Variants in FARS2 observed in about 807,000 individuals in gnomAD.
FARS2 encodes phenylalanyl-tRNA synthetase 2, mitochondrial.
A neutral mutation model predicts 46.4 loss-of-function variants in FARS2; 40 were observed. That is an observed-to-expected ratio of 0.86 (90% CI 0.67 to 1.12). The LOEUF is 1.12. Ranked by LOEUF, FARS2 falls within the 50% of genes most tolerant of loss-of-function variation. The probability of loss-of-function intolerance (pLI) is 0.00; values close to 1 mark genes in which losing one functional copy is unlikely to be tolerated. For missense variants in FARS2, 513 were observed against 567.9 expected (o/e 0.90, Z 0.98); for synonymous variants, 234 against 214.9 (o/e 1.09, Z -0.78).
At chr6:5,359,863 C>T (rs1186842629) in intron 1 of FARS2, among the ~76,000 whole-genome samples, 1 of 152,254 alleles carries the variant, frequency 6.6e-6, no homozygotes, top group Non-Finnish European at 1.5e-5. Context: ...GGAGCTGCAG[C>T]TTCCTGCCTT....
chr6:5,637,621 T>A (rs981737887), intron 6 of FARS2, among the ~76,000 whole-genome samples: 3 of 152,228 alleles, frequency 2.0e-5, no homozygotes, highest in Non-Finnish European at 4.4e-5. Context: ...CTTGAAGACT[T>A]ATGTATGAAT....
At chr6:5,302,594 G>A (rs941437385) in intron 1 of FARS2, among the ~76,000 whole-genome samples, 5 of 152,180 alleles carry the variant, frequency 3.3e-5, no homozygotes, top group African/African-American at 9.7e-5. Context: ...TTTTACAGAT[G>A]GGGAGATGAG....
At chr6:5,254,072 C>T in the FARS2 span, among the ~76,000 whole-genome samples, 4 of 152,250 alleles carry the variant, frequency 2.6e-5, no homozygotes, top group East Asian at 5.8e-4. Flanking sequence ...TCTTGAATCC[C>T]GGCAAAACTG....
chr6:5,592,044 T>C (rs1773947289), intron 5 of FARS2, among the ~76,000 whole-genome samples: 1 of 152,202 alleles, frequency 6.6e-6, no homozygotes, highest in African/African-American at 2.4e-5. Context: ...AGACAATACA[T>C]TTTGTAGATG....
At chr6:5,741,476 C>A (rs1167476918) in intron 6 of FARS2, among the ~76,000 whole-genome samples, 1 of 152,124 alleles carries the variant, frequency 6.6e-6, no homozygotes, top group Non-Finnish European at 1.5e-5. Flanking sequence ...GCTGGGGGAG[C>A]CTTTCCAGGG....
intron 6 of FARS2, among the ~76,000 whole-genome samples, chr6:5,699,099 AG>A (rs2150879892): frequency 6.6e-6 from 1 of 152,328 alleles, no homozygotes; most frequent in East Asian, 1.9e-4. Context: ...GGATCCTGGT[AG>A]GGCCTTTTAC....
chr6:5,351,108 A>G (rs1257943085), intron 1 of FARS2, among the ~76,000 whole-genome samples: 1 of 152,218 alleles, frequency 6.6e-6, no homozygotes, highest in Non-Finnish European at 1.5e-5. Context: ...TTCAGAGAGC[A>G]TCAAGGCTAT....
intron 6 of FARS2, among the ~76,000 whole-genome samples, chr6:5,695,471 C>A (rs1037685977): frequency 1.2e-4 from 19 of 152,366 alleles, no homozygotes; most frequent in African/African-American, 4.6e-4. Context: ...GGAAGTAAAG[C>A]CACCATTTAC....
At chr6:5,724,590 C>T (rs2150925924) in intron 6 of FARS2, among the ~76,000 whole-genome samples, 1 of 152,320 alleles carries the variant, frequency 6.6e-6, no homozygotes, top group Non-Finnish European at 1.5e-5. Flanking sequence ...TGGCAGGAGA[C>T]AGCGCATCCT....
At chr6:5,594,454 T>A (rs1774087680) in intron 5 of FARS2, among the ~76,000 whole-genome samples, 1 of 152,184 alleles carries the variant, frequency 6.6e-6, no homozygotes, top group South Asian at 2.1e-4. Flanking sequence ...GCCGCATCAG[T>A]GAGGTCGAGG....
chr6:5,581,447 T>C (rs1329069341), intron 5 of FARS2, among the ~76,000 whole-genome samples: 1 of 152,234 alleles, frequency 6.6e-6, no homozygotes, highest in Non-Finnish European at 1.5e-5. Context: ...CTAGTGCTGC[T>C]GCTGAAGAAG....
chr6:5,647,455 A>G (rs1438828244), intron 6 of FARS2, among the ~76,000 whole-genome samples: 1 of 152,266 alleles, frequency 6.6e-6, no homozygotes, highest in Non-Finnish European at 1.5e-5. Flanking sequence ...TAGGAAAGGT[A>G]GAGCATGTTC....
At chr6:5,722,576 A>G (rs963519986) in intron 6 of FARS2, among the ~76,000 whole-genome samples, 1 of 152,164 alleles carries the variant, frequency 6.6e-6, no homozygotes, top group South Asian at 2.1e-4. Flanking sequence ...CTCACAGGGA[A>G]TGTTCCAGGG....
chr6:5,737,648 C>G (rs1270256237), intron 6 of FARS2, among the ~76,000 whole-genome samples: 1 of 152,212 alleles, frequency 6.6e-6, no homozygotes, highest in Non-Finnish European at 1.5e-5. Context: ...CTTCCCCATC[C>G]CAGCCTAGAG....
rs146245227 is a variant in FARS2 at position 5,400,972 on chromosome 6, T to C, written c.613-3570T>C. Among the ~76,000 whole-genome samples, 828 of 152,176 alleles carry C rather than the reference T, an allele frequency of 5.4e-3. 6 individuals are homozygous for C. The highest frequency in any genetic ancestry group is 0.019 in the African/African-American group (780 of 41,570). On this transcript the variant is annotated intron_variant, in intron 2 of 6. Coordinates refer to ENST00000274680, the MANE Select transcript of FARS2 (RefSeq NM_006567.5). ...TTTGCTTGAATTCTACTTTTTCTGATTTTAAGAATGCTATGCTTGCTTTTT... is the reference window on the plus strand; with the variant it reads ...TTTGCTTGAATTCTACTTTTTCTGACTTTAAGAATGCTATGCTTGCTTTTT...
chr6:5,600,858 A>G (rs911283361), intron 5 of FARS2, among the ~76,000 whole-genome samples: 9 of 152,240 alleles, frequency 5.9e-5, no homozygotes, highest in African/African-American at 2.2e-4. Context: ...AAACAGTAGT[A>G]GAAACTTGGA....
intron 1 of FARS2, among the ~76,000 whole-genome samples, chr6:5,327,173 G>A (rs977985505): frequency 6.6e-6 from 1 of 152,116 alleles, no homozygotes; most frequent in Admixed American, 6.5e-5. Flanking sequence ...AAAAAAGGAA[G>A]GAAAAGAAAT....
intron 1 of FARS2, among the ~76,000 whole-genome samples, chr6:5,332,580 C>T (rs12214690): frequency 6.6e-6 from 1 of 152,208 alleles, no homozygotes; most frequent in African/African-American, 2.4e-5. Context: ...AGCTGAGTTA[C>T]TCCGATTAAC....
intron 6 of FARS2, among the ~76,000 whole-genome samples, chr6:5,702,798 T>C (rs1338207782): frequency 6.6e-6 from 1 of 152,212 alleles, no homozygotes; most frequent in Non-Finnish European, 1.5e-5. Context: ...TTCCCTTTCA[T>C]GCCCCCAAAC....
Sources: allele counts gnomAD v4.1 joint callset (sites outside exome capture counted in the v4.1 genomes callset), GRCh38; gene constraint gnomAD v4.1.1; transcripts MANE v1.5; gene names NCBI Gene and HGNC (gene_info 2026-07-23, HGNC 2026-07-21).